The following GRHL3 variants were observed in gnomAD, a reference collection of about 807,000 sequenced individuals.
The protein encoded by GRHL3 is grainyhead-like protein 3 homolog.
GRHL3 carries 20 observed loss-of-function variants against 70.3 expected under a neutral mutation model. That is an observed-to-expected ratio of 0.28 (90% confidence interval 0.20 to 0.41). The LOEUF (loss-of-function observed/expected upper bound fraction) is 0.41, where lower values mean the gene tolerates loss of function less well. Ranked by LOEUF, GRHL3 falls within the 10% of genes least tolerant of loss-of-function variation. The probability of loss-of-function intolerance (pLI) is 1.00; values close to 1 mark genes in which losing one functional copy is unlikely to be tolerated. For missense variants in GRHL3, 637 were observed against 762.3 expected (o/e 0.84, Z 1.94); for synonymous variants, 299 against 299.9 (o/e 1.00, Z 0.03).
chr1:24,351,145 C>G (rs1028946015), intron 15 of GRHL3, among the ~76,000 whole-genome samples: 1 of 152,242 alleles, frequency 6.6e-6, no homozygotes, highest in Non-Finnish European at 1.5e-5. Flanking sequence ...CTAACTCGAG[C>G]GACATTTGCT....
intron 15 of GRHL3, among the ~76,000 whole-genome samples, chr1:24,352,549 G>A (rs1008335679): frequency 6.6e-6 from 1 of 152,172 alleles, no homozygotes; most frequent in Non-Finnish European, 1.5e-5. Flanking sequence ...TTGTGCAGGT[G>A]TGAGCAGGTG....
At chr1:24,329,989 G>A (rs1639541210) in intron 1 of GRHL3, among the ~76,000 whole-genome samples, 1 of 152,196 alleles carries the variant, frequency 6.6e-6, no homozygotes, top group African/African-American at 2.4e-5. Flanking sequence ...CAGGGAAATC[G>A]CTAGAAATGT....
intron 15 of GRHL3, among the ~76,000 whole-genome samples, chr1:24,363,058 G>A (rs1174869944): frequency 6.6e-6 from 1 of 152,160 alleles, no homozygotes; most frequent in Admixed American, 6.5e-5. Flanking sequence ...GGAAATTACA[G>A]CTGGAACAAA....
rs548340429 is a variant in GRHL3, at chr1:24,336,922, T to C, written c.612+95T>C. 7.1e-6 allele frequency: 9 copies of C among 1,268,576 alleles called. No individual in the cohort carries two copies. The South Asian group carries it at 1.2e-4, about 17-fold the overall frequency. The allele number at this position is 1,268,576 out of a possible 1,614,324, so 78.6% of individuals were successfully genotyped here. A position where few individuals can be genotyped will look rare whatever the true frequency, so the allele number is the denominator to read the frequency against. ...GAACAGATCAGAGCTTTGGAATCCA[T>C]GGGGGAAAGCATCCTAGAGCTGAGA... On this transcript the variant is annotated intron_variant, in intron 4 of 15. Transcript: ENST00000361548.
chr1:24,329,278 G>C (rs1398525286), intron 1 of GRHL3, among the ~76,000 whole-genome samples: 1 of 152,194 alleles, frequency 6.6e-6, no homozygotes, highest in African/African-American at 2.4e-5. Context: ...GCCGCCTCCT[G>C]TATGCTGAGG....
chr1:24,352,601 G>A (rs1448310684), intron 15 of GRHL3, among the ~76,000 whole-genome samples: 4 of 152,160 alleles, frequency 2.6e-5, no homozygotes, highest in African/African-American at 9.7e-5. Context: ...CAGGGCGCTG[G>A]AAGGCCCTGC....
chr1:24,363,377 T>A (rs1392646600), intron 15 of GRHL3, among the ~76,000 whole-genome samples: 1 of 152,202 alleles, frequency 6.6e-6, no homozygotes, highest in Non-Finnish European at 1.5e-5. Context: ...ATCCAGGCAG[T>A]TCTGTACTAA....
chr1:24,337,904 G>C, intron 6 of GRHL3, 88 bp from the exon 7 acceptor site: 45 of 1,557,700 alleles, frequency 2.9e-5, no homozygotes, highest in Non-Finnish European at 3.8e-5. Context: ...ATTGCCACAG[G>C]GTTGGGGAAA....
chr1:24,328,583 G>T (rs977158853), intron 1 of GRHL3, among the ~76,000 whole-genome samples: 3 of 152,174 alleles, frequency 2.0e-5, no homozygotes, highest in African/African-American at 4.8e-5. Context: ...AAAGGGTAAG[G>T]TAACTCACAG....
intron 11 of GRHL3, 145 bp downstream of exon 11, chr1:24,343,170 G>A (rs1388793323): frequency 1.2e-6 from 1 of 805,344 alleles, no homozygotes; most frequent in African/African-American, 1.7e-5. Context: ...GTTTAAACAT[G>A]TATATATGGT....
chr1:24,346,433 C>A, intron 12 of GRHL3, 120 bp from the exon 13 acceptor site: 1 of 656,108 alleles, frequency 1.5e-6, no homozygotes, highest in Non-Finnish European at 2.7e-6. Flanking sequence ...TGTCCCTCTG[C>A]TTTGCATCCA....
At chr1:24,361,396 G>A (rs1167812184) in intron 15 of GRHL3, among the ~76,000 whole-genome samples, 1 of 152,112 alleles carries the variant, frequency 6.6e-6, no homozygotes, top group Non-Finnish European at 1.5e-5. Flanking sequence ...TATCTCATGT[G>A]CCAACTCTGA....
chr1:24,359,621 G>A (rs549068856), downstream of GRHL3, among the ~76,000 whole-genome samples: 4 of 152,278 alleles, frequency 2.6e-5, no homozygotes, highest in South Asian at 4.1e-4. The surrounding 1 kb of genome is among the most constrained non-coding windows in gnomAD (Gnocchi z 5.3). Context: ...GTGGCCTCTG[G>A]GGGCAAACCT....
downstream of GRHL3, among the ~76,000 whole-genome samples, chr1:24,356,287 G>C (rs1640716476): frequency 1.3e-5 from 2 of 151,442 alleles, no homozygotes; most frequent in Admixed American, 1.3e-4. Context: ...CTGTCGCCCA[G>C]GCTGGAGTGG....
intron 1 of GRHL3, among the ~76,000 whole-genome samples, chr1:24,324,160 A>G (rs1173156276): frequency 6.6e-6 from 1 of 152,202 alleles, no homozygotes; most frequent in African/African-American, 2.4e-5. Context: ...TAGACAAGAC[A>G]CCAAGAGGAG....
At chr1:24,349,013 G>A (rs1054854235) in intron 14 of GRHL3, among the ~76,000 whole-genome samples, 39 of 152,204 alleles carry the variant, frequency 2.6e-4, no homozygotes, top group African/African-American at 8.7e-4. Context: ...TTACACAATC[G>A]TCTCAGTTCG....
chr1:24,325,636 C>T (rs1230576710), intron 1 of GRHL3, among the ~76,000 whole-genome samples: 1 of 152,182 alleles, frequency 6.6e-6, no homozygotes, highest in Non-Finnish European at 1.5e-5. Flanking sequence ...CAGAATGAGG[C>T]ATGTTGGAGC....
rs1414254043 is a variant in GRHL3, at chr1:24,350,068, A to G, written c.1640A>G (p.Lys547Arg). The G allele has an allele frequency of 1.9e-6, 3 of 1,613,270 alleles. No individual in the cohort carries two copies. The East Asian group carries it at 6.7e-5, about 36-fold the overall frequency. The part of the protein sequence containing the change: ...LKGLRNAISE[K>R]YGFPEENIYK... ...GTCTTTTCCTTCCAGATCTCTGAGA[A>G]GTATGGGTTCCCTGAAGAGAACATT... Residue 547 changes from lysine to arginine, a missense_variant, in exon 15 of 16, where the codon AAG becomes AGG. This residue lies in a region of GRHL3 where 387 missense variants were observed against 513.8 expected (regional missense o/e 0.75). Coordinates refer to ENST00000361548, the MANE Select transcript of GRHL3 (RefSeq NM_198173.3).
intron 15 of GRHL3, among the ~76,000 whole-genome samples, chr1:24,351,416 T>C (rs1386593647): frequency 2.0e-5 from 3 of 151,652 alleles, no homozygotes; most frequent in Non-Finnish European, 4.4e-5. Flanking sequence ...GGGTTTTTTT[T>C]GGTTTTAGCT....
Sources: gnomAD v4.1 joint callset for allele counts (sites outside exome capture counted in the v4.1 genomes callset) on GRCh38, gnomAD v4.1.1 for gene constraint, gnomAD v4.1.1 regional missense constraint, Gnocchi (gnomAD v3.1) non-coding constraint, MANE v1.5 for transcripts, NCBI Gene and HGNC (gene_info 2026-07-23, HGNC 2026-07-21) for gene names.